Variants in INPP4A observed in about 807,000 individuals in gnomAD.
INPP4A encodes inositol polyphosphate-4-phosphatase, type I, 107kD.
INPP4A carries 33 observed loss-of-function variants against 119.8 expected under a neutral mutation model. The observed-to-expected ratio is 0.28, with a 90% CI of 0.21 to 0.37. The LOEUF (loss-of-function observed/expected upper bound fraction) is 0.37. INPP4A is among the 10% of genes least tolerant of loss of function. The pLI is 1.00. For missense variants in INPP4A, 956 were observed against 1,289.9 expected (o/e 0.74, Z 3.97); for synonymous variants, 496 against 500.7 (o/e 0.99, Z 0.12).
At chr2:98,514,533 C>G (rs772031811) in intron 1 of INPP4A, among the ~76,000 whole-genome samples, 4 of 152,096 alleles carry the variant, frequency 2.6e-5, no homozygotes, top group Admixed American at 6.5e-5. Context: ...CCTCCCACCT[C>G]TGGGGAGGGG....
At chr2:98,453,620 G>A (rs1023474627) in intron 1 of INPP4A, among the ~76,000 whole-genome samples, 1 of 152,110 alleles carries the variant, frequency 6.6e-6, no homozygotes, top group African/African-American at 2.4e-5. Flanking sequence ...CTGGGCGTGC[G>A]ACCTGTGACT....
At position 98,563,576 on chromosome 2, in the gene INPP4A, C is replaced by G. The variant is rs767987854; in HGVS notation, c.1967C>G (p.Ala656Gly). 1 of 1,613,678 alleles carries G rather than the reference C, an allele frequency of 6.2e-7. No individual in the cohort carries two copies. Among genetic ancestry groups the G allele is most frequent in the Non-Finnish European group, 8.5e-7 (1 of 1,179,874 alleles). Residue 656 changes from alanine to glycine, a missense_variant, in exon 18 of 25, where the codon GCG becomes GGG. Ala to Gly is a moderately conservative substitution (Grantham distance 60). Coordinates refer to ENST00000409851, the MANE Select transcript of INPP4A (RefSeq NM_001134225.2). ...AMVFLLMQDS[A>G]PTIATYLSLQ... is the part of the protein sequence containing the mutation. ...GTATTCCTGCTCATGCAGGACAGCG[C>G]GCCCACCATAGCCACCTACCTGAGC...
intron 4 of INPP4A, among the ~76,000 whole-genome samples, chr2:98,525,623 T>C (rs1278374747): frequency 6.6e-6 from 1 of 152,120 alleles, no homozygotes; most frequent in Non-Finnish European, 1.5e-5. Context: ...GAAAAAAATA[T>C]TCACAACACG....
At chr2:98,449,219 G>C (rs545935098) in intron 1 of INPP4A, among the ~76,000 whole-genome samples, 40 of 152,282 alleles carry the variant, frequency 2.6e-4, no homozygotes, top group African/African-American at 9.4e-4. Flanking sequence ...ACTAGTTTCA[G>C]AATTCATTGA....
chr2:98,461,881 G>GCAC (rs1424435899), intron 1 of INPP4A, among the ~76,000 whole-genome samples: 3 of 152,226 alleles, frequency 2.0e-5, no homozygotes, highest in African/African-American at 7.2e-5. Context: ...TCTTCAACCA[G>GCAC]TGCTCTCTGG....
chr2:98,590,713 C>G lies in INPP4A; in HGVS notation c.*3105C>G, dbSNP rs560296984. 4.6e-6 allele frequency: 1 copy of G among 219,480 alleles called. No homozygotes were observed. The highest frequency in any genetic ancestry group is 2.2e-5 in the African/African-American group (1 of 44,720). 13.6% of individuals were successfully genotyped at this position (219,480 alleles called of 1,614,324 possible). ...ACCACTGTGCCGTCTTCTAGGCACA[C>G]ACGACCCGTTATCTCCCTTGGAAAA... On this transcript the variant is annotated 3_prime_UTR_variant, in exon 25 of 25. Transcript: ENST00000409851.
intron 16 of INPP4A, among the ~76,000 whole-genome samples, chr2:98,556,326 T>C (rs1426801190): frequency 2.0e-5 from 3 of 152,166 alleles, no homozygotes; most frequent in Admixed American, 6.5e-5. Flanking sequence ...CCTTGGGACT[T>C]GGTAACACAG....
At chr2:98,453,789 G>A (rs1454185873) in intron 1 of INPP4A, among the ~76,000 whole-genome samples, 2 of 152,180 alleles carry the variant, frequency 1.3e-5, no homozygotes, top group African/African-American at 4.8e-5. Context: ...CGTATTGTTC[G>A]TGGTAGTAAG....
chr2:98,457,959 C>A (rs990941996), intron 1 of INPP4A, among the ~76,000 whole-genome samples: 15 of 151,502 alleles, frequency 9.9e-5, no homozygotes, highest in African/African-American at 3.6e-4. Context: ...TGCCACTGTG[C>A]CCAGCTAATT....
chr2:98,537,294 A>G (rs1204274618), intron 7 of INPP4A, among the ~76,000 whole-genome samples: 4 of 152,202 alleles, frequency 2.6e-5, no homozygotes, highest in Non-Finnish European at 5.9e-5. Flanking sequence ...AGCCCAGGCC[A>G]CCATCAGCCA....
Position 98,465,470 on chromosome 2 carries a change from A to G in INPP4A, c.-166+20385A>G, listed in dbSNP as rs559725089. The stretch of plus-strand genomic sequence containing the variant: ...GATTCGAAACTTAATTGAGTCTGCA[A>G]ATCCTTTGCTGTATAAGGTAACATT... On this transcript the variant is annotated intron_variant, in intron 1 of 24. Transcript: ENST00000409851. Among the ~76,000 whole-genome samples, 4 of 152,354 alleles carry G rather than the reference A, an allele frequency of 2.6e-5. No individual in the cohort carries two copies. In the East Asian group the frequency reaches 7.7e-4, roughly 29 times the overall value.
chr2:98,447,477 A>G (rs1694388241), intron 1 of INPP4A, among the ~76,000 whole-genome samples: 1 of 152,192 alleles, frequency 6.6e-6, no homozygotes, highest in South Asian at 2.1e-4. Context: ...TTTTTAAGGA[A>G]AATACCATCA....
rs1208984432 is a variant in INPP4A at position 98,555,586 on chromosome 2, G to A, written c.1600G>A (p.Glu534Lys). The A allele has an allele frequency of 6.2e-7, 1 of 1,612,906 alleles. No homozygotes were observed. Among genetic ancestry groups the A allele is most frequent in the African/African-American group, 1.3e-5 (1 of 74,924 alleles). ...GTGGCTGAACGTGGACAAGAGCCTAGAGTGCATCATTCAGCGTGTGGACAA... is the reference window on the plus strand; with the variant it reads ...GTGGCTGAACGTGGACAAGAGCCTAAAGTGCATCATTCAGCGTGTGGACAA... ...KVWLNVDKSL[E>K]CIIQRVDKLL... Residue 534 changes from glutamate to lysine, a missense_variant, in exon 16 of 25, where the codon GAG becomes AAG. By Grantham distance (56) the Glu-to-Lys change is moderately conservative. This residue lies in a region of INPP4A where 652 missense variants were observed against 797.9 expected (regional missense o/e 0.82). Transcript: ENST00000409851.
chr2:98,516,563 G>A (rs562122514), intron 1 of INPP4A, among the ~76,000 whole-genome samples: 2 of 152,236 alleles, frequency 1.3e-5, no homozygotes, highest in African/African-American at 2.4e-5. Context: ...CTGTTAGGTG[G>A]CCTGTCTCCA....
chr2:98,539,715 T>G (rs992467309), intron 10 of INPP4A, 40 bp downstream of exon 10: 3 of 1,576,510 alleles, frequency 1.9e-6, no homozygotes, highest in Non-Finnish European at 2.6e-6. Flanking sequence ...ATCATACCCA[T>G]GTCATGTGCC....
At position 98,543,927 on chromosome 2, in the gene INPP4A, T is replaced by A; in HGVS notation, c.869T>A (p.Leu290His). The A allele has an allele frequency of 6.2e-7, 1 of 1,610,492 alleles. No homozygotes were observed. Among genetic ancestry groups the A allele is most frequent in the Non-Finnish European group, 8.5e-7 (1 of 1,178,288 alleles). ...LGELSPCWES[L>H]RRQIVTQYQT... Reference sequence around the variant, plus strand: ...GAGCTGTCCCCTTGCTGGGAGAGCCTCCGGCGCCAAATTGTCACCCAGTAC... The same window carrying A: ...GAGCTGTCCCCTTGCTGGGAGAGCCACCGGCGCCAAATTGTCACCCAGTAC... Residue 290 changes from leucine to histidine, a missense_variant, in exon 11 of 25, where the codon CTC becomes CAC. Physicochemically the swap from Leu to His is moderately conservative, Grantham distance 99. Transcript: ENST00000409851.
chr2:98,456,808 A>G (rs1301941844), intron 1 of INPP4A, among the ~76,000 whole-genome samples: 3 of 152,226 alleles, frequency 2.0e-5, no homozygotes, highest in South Asian at 2.1e-4. Flanking sequence ...TTTGAACTGT[A>G]TGGTGTGTTA....
intron 8 of INPP4A, among the ~76,000 whole-genome samples, chr2:98,538,614 ATTC>A (rs1309290406): frequency 1.3e-5 from 2 of 152,232 alleles, no homozygotes; most frequent in African/African-American, 4.8e-5. Context: ...GGCATCATCT[ATTC>A]TCTTCCTTTT....
At chr2:98,461,772 TC>T (rs1697196641) in intron 1 of INPP4A, among the ~76,000 whole-genome samples, 1 of 152,238 alleles carries the variant, frequency 6.6e-6, no homozygotes, top group East Asian at 1.9e-4. Flanking sequence ...TGCTGCGTGC[TC>T]GCTGTGTGCC....
Sources: gnomAD v4.1 joint callset for allele counts (sites outside exome capture counted in the v4.1 genomes callset) on GRCh38, gnomAD v4.1.1 for gene constraint, gnomAD v4.1.1 regional missense constraint, MANE v1.5 for transcripts, NCBI Gene and HGNC (gene_info 2026-07-23, HGNC 2026-07-21) for gene names.